Variants in RCC2 observed in about 807,000 individuals in gnomAD.
The protein encoded by RCC2 is regulator of chromosome condensation 2.
A neutral mutation model predicts 64.1 loss-of-function variants in RCC2; 19 were observed. The ratio of observed to expected loss-of-function variants is 0.30; its 90% CI spans 0.21 to 0.44. The LOEUF (loss-of-function observed/expected upper bound fraction) is 0.44, where lower values mean the gene tolerates loss of function less well. Ranked by LOEUF, RCC2 falls within the 20% of genes least tolerant of loss-of-function variation. The pLI, the probability that RCC2 is intolerant of heterozygous loss-of-function variation, is 1.00. For missense variants in RCC2, 508 were observed against 710.4 expected (o/e 0.72, Z 3.24); for synonymous variants, 325 against 279.6 (o/e 1.16, Z -1.62).
intron 12 of RCC2, 117 bp downstream of exon 12, chr1:17,409,857 G>T: frequency 2.3e-6 from 2 of 869,626 alleles, no homozygotes; most frequent in Non-Finnish European, 3.9e-6. Context: ...CACCAGGAAA[G>T]CCAGCTGAGA....
intron 5 of RCC2, 53 bp downstream of exon 5, chr1:17,422,652 A>G (rs2075568022): frequency 1.2e-6 from 2 of 1,605,116 alleles, no homozygotes; most frequent in East Asian, 4.5e-5. Flanking sequence ...CCCAAGGCAG[A>G]CCACCTGGCC....
chr1:17,437,633 A>C (rs963210264), intron 2 of RCC2, among the ~76,000 whole-genome samples: 2 of 4,386 alleles, frequency 4.6e-4, no homozygotes, highest in African/African-American at 4.2e-3. Context: ...AGCACCGCTC[A>C]GCCGGGGGGC....
At chr1:17,422,180 A>G in intron 6 of RCC2, 23 bp downstream of exon 6, 1 of 1,546,404 alleles carries the variant, frequency 6.5e-7, no homozygotes. Flanking sequence ...AAAGCCATGG[A>G]GCCGGAGCTG....
chr1:17,411,393 T>C (rs1487090995), intron 11 of RCC2, among the ~76,000 whole-genome samples: 1 of 152,050 alleles, frequency 6.6e-6, no homozygotes, highest in East Asian at 1.9e-4. Context: ...CTGGCCAACA[T>C]GGTGAAACCC....
In RCC2 at chr1:17,416,459, G is replaced by A. The variant is rs765801021; in HGVS notation, c.1026+21C>T. ...TCCATCCTGGTGCGACTCTCAGGAA[G>A]TGAGAAAAGCCGAGCCTCACCGTGT... On this transcript the variant is annotated intron_variant, in intron 8 of 12. Transcript: ENST00000375436. The A allele has an allele frequency of 3.1e-6, 5 of 1,596,682 alleles. No homozygotes were observed. In the African/African-American group the frequency reaches 5.4e-5, roughly 17 times the overall value.
intron 11 of RCC2, among the ~76,000 whole-genome samples, chr1:17,411,875 G>A (rs543107824): frequency 2.4e-4 from 37 of 152,264 alleles, no homozygotes; most frequent in Admixed American, 1.6e-3. Flanking sequence ...AGGGGAAACC[G>A]GATCTGAAAA....
In RCC2 at chr1:17,409,275, G is replaced by A. The variant is rs1052115615; in HGVS notation, c.1465-81C>T. The A allele has an allele frequency of 1.4e-5, 13 of 906,654 alleles. No homozygotes were observed. In the African/African-American group the frequency reaches 2.0e-4, roughly 14 times the overall value. 56.2% of individuals were successfully genotyped at this position (906,654 alleles called of 1,614,324 possible). ...TTGAAGAGACTCTGGAAACTGGGCT[G>A]CTAAAGCGGGTCAGCATGGAGAAAA... is the stretch of plus-strand genomic sequence containing the variant. On this transcript the variant is annotated intron_variant, in intron 12 of 12. Coordinates refer to ENST00000375436, the MANE Select transcript of RCC2 (RefSeq NM_018715.4).
rs563715290 is a variant in RCC2, at chr1:17,407,505, G to A, written c.*1585C>T. The A allele has an allele frequency of 1.3e-5, 2 of 152,586 alleles. No homozygotes were observed. Among genetic ancestry groups the A allele is most frequent in the South Asian group, 2.1e-4 (1 of 4,824 alleles). The allele number at this position is 152,586 out of a possible 1,614,324, so 9.5% of individuals were successfully genotyped here. ...GAACACAGAACAAGAGATGCGCGTG[G>A]CGTCAGACTAAGTCTTAGAGAGATG... is the stretch of plus-strand genomic sequence containing the variant. On this transcript the variant is annotated 3_prime_UTR_variant, in exon 13 of 13. Transcript: ENST00000375436.
chr1:17,415,651 A>C (rs1460384155), intron 8 of RCC2, among the ~76,000 whole-genome samples: 1 of 151,492 alleles, frequency 6.6e-6, no homozygotes, highest in Non-Finnish European at 1.5e-5. Flanking sequence ...CAGAGGTTGC[A>C]GTGAGTTGAG....
intron 8 of RCC2, among the ~76,000 whole-genome samples, chr1:17,414,923 A>G (rs2075467053): frequency 6.6e-6 from 1 of 152,008 alleles, no homozygotes; most frequent in African/African-American, 2.4e-5. Flanking sequence ...CCCGGCCTGG[A>G]TTTTTCTTTA....
intron 2 of RCC2, 126 bp downstream of exon 2, chr1:17,438,104 G>A: frequency 1.5e-6 from 1 of 661,268 alleles, no homozygotes; most frequent in Non-Finnish European, 1.9e-6. Context: ...CGCGGCCTGC[G>A]CCGGCCCGGC....
chr1:17,425,430 AGC>A (rs763968783), intron 4 of RCC2, 109 bp downstream of exon 4: 1 of 1,112,706 alleles, frequency 9.0e-7, no homozygotes, highest in Non-Finnish European at 1.3e-6. Context: ...TGAACGAAGG[AGC>A]CCAGCCTTAT....
chr1:17,427,008 G>A (rs918865464), intron 3 of RCC2, among the ~76,000 whole-genome samples: 3 of 152,060 alleles, frequency 2.0e-5, no homozygotes, highest in Non-Finnish European at 2.9e-5. Flanking sequence ...TGATCCACTC[G>A]ACTCAGCCTT....
chr1:17,420,653 A>C (rs564337684), intron 7 of RCC2, 61 bp downstream of exon 7: 3 of 1,072,716 alleles, frequency 2.8e-6, no homozygotes, highest in Admixed American at 2.4e-5. Context: ...CCCCACACTG[A>C]TCTCTAGTTC....
In RCC2 at chr1:17,434,959, C is replaced by T. The variant is rs532689142; in HGVS notation, c.285+3271G>A. 3.3e-5 allele frequency among the ~76,000 whole-genome samples: 5 copies of T among 152,238 alleles called. No homozygotes were observed. The South Asian group carries it at 6.2e-4, about 19-fold the overall frequency. ...TCTCTACTGAAAATACAAAAATTAC[C>T]GAGCACAGTGACAGGTGCCTGTCAT... is the stretch of plus-strand genomic sequence containing the variant. On this transcript the variant is annotated intron_variant, in intron 2 of 12. Transcript: ENST00000375436.
chr1:17,421,711 C>T (rs2075557639), intron 6 of RCC2, among the ~76,000 whole-genome samples: 1 of 152,170 alleles, frequency 6.6e-6, no homozygotes, highest in Admixed American at 6.5e-5. Context: ...TCAACCCGAC[C>T]ACAAACTAAG....
Position 17,438,304 on chromosome 1 carries a change from GCGCCGCGCGCTTGCCCC to G in RCC2, c.194_210del (p.Gly65AlafsTer28), listed in dbSNP as rs766105887. 8.0e-7 allele frequency: 1 copy of G among 1,245,990 alleles called. No individual in the cohort carries two copies. The highest frequency in any genetic ancestry group is 1.0e-6 in the Non-Finnish European group (1 of 984,762). The allele number at this position is 1,245,990 out of a possible 1,614,324, so 77.2% of individuals were successfully genotyped here. A position where few individuals can be genotyped will look rare whatever the true frequency, so the allele number is the denominator to read the frequency against. On this transcript the variant is annotated frameshift_variant, in exon 2 of 13. Transcript: ENST00000375436. LOFTEE classifies it high-confidence loss of function. The stretch of plus-strand genomic sequence containing the variant: ...CCCGCCTTGCCTGCTGTCGCCGGCC[GCGCCGCGCGCTTGCCCC>G]CGCCGGGGGCCCCGTCGAGCTCCAG...
chr1:17,422,059 A>G, intron 6 of RCC2, 144 bp downstream of exon 6: 1 of 548,934 alleles, frequency 1.8e-6, no homozygotes, highest in Non-Finnish European at 3.2e-6. Context: ...AACAAACAAA[A>G]AAACTCTACA....
At position 17,429,566 on chromosome 1, in the gene RCC2, G is replaced by C. The variant is rs370770718; in HGVS notation, c.286-367C>G. Among the ~76,000 whole-genome samples, 198 of 152,304 alleles carry C rather than the reference G, an allele frequency of 1.3e-3. 1 individual carries two copies. The highest frequency in any genetic ancestry group is 8.1e-3 in the South Asian group (39 of 4,830). On this transcript the variant is annotated intron_variant, in intron 2 of 12. Coordinates refer to ENST00000375436, the MANE Select transcript of RCC2 (RefSeq NM_018715.4). The stretch of plus-strand genomic sequence containing the variant: ...CGGACACTCAGGGGCGTTAAATCCA[G>C]CTCATCCTAGGGCCAAGTCTCTATT...
Sources: gnomAD v4.1 joint callset for allele counts (sites outside exome capture counted in the v4.1 genomes callset) on GRCh38, gnomAD v4.1.1 for gene constraint, MANE v1.5 for transcripts, NCBI Gene and HGNC (gene_info 2026-07-23, HGNC 2026-07-21) for gene names.